The following WIPF1 variants were observed in gnomAD, a reference collection of about 807,000 sequenced individuals.
The protein encoded by WIPF1 is WAS/WASL-interacting protein family member 1.
A neutral mutation model predicts 35.4 loss-of-function variants in WIPF1; 13 were observed. That is an observed-to-expected ratio of 0.37 (90% CI 0.24 to 0.58). The LOEUF (loss-of-function observed/expected upper bound fraction) is 0.58, where lower values mean the gene tolerates loss of function less well. WIPF1 is among the 20% of genes least tolerant of loss of function. WIPF1 has a pLI of 0.74. For synonymous variants in WIPF1, 267 were observed against 266.3 expected (o/e 1.00, Z -0.02); for missense variants, 591 against 667.0 (o/e 0.89, Z 1.25).
intron 1 of WIPF1, among the ~76,000 whole-genome samples, chr2:174,678,339 G>C (rs1168556562): frequency 4.6e-5 from 7 of 152,130 alleles, no homozygotes; most frequent in Non-Finnish European, 1.0e-4. Flanking sequence ...GCTTATCAAG[G>C]CTAACAAACA....
At chr2:174,680,295 C>T (rs1216593980) in intron 1 of WIPF1, among the ~76,000 whole-genome samples, 1 of 152,196 alleles carries the variant, frequency 6.6e-6, no homozygotes, top group Non-Finnish European at 1.5e-5. Flanking sequence ...GGCTTGATTC[C>T]AACTGTGACC....
chr2:174,564,560 C>T (rs1684585570), intron 7 of WIPF1, among the ~76,000 whole-genome samples: 1 of 152,258 alleles, frequency 6.6e-6, no homozygotes, highest in East Asian at 1.9e-4. Flanking sequence ...CTAGTCCTTA[C>T]ATTGCCTACT....
intron 1 of WIPF1, among the ~76,000 whole-genome samples, chr2:174,640,384 GATATACCTA>G (rs1447690259): frequency 6.9e-6 from 1 of 145,194 alleles, no homozygotes; most frequent in African/African-American, 2.5e-5. Flanking sequence ...AGCATTAGGA[GATATACCTA>G]ATGCTAAATG....
intron 1 of WIPF1, among the ~76,000 whole-genome samples, chr2:174,676,035 T>A (rs1286951027): frequency 2.8e-4 from 42 of 148,778 alleles, no homozygotes; most frequent in Non-Finnish European, 4.3e-4. Flanking sequence ...GCAGCCTCCA[T>A]CTCCCAGGCA....
At chr2:174,659,940 T>C (rs1362486641) in intron 1 of WIPF1, among the ~76,000 whole-genome samples, 1 of 148,252 alleles carries the variant, frequency 6.7e-6, no homozygotes, top group Non-Finnish European at 1.5e-5. Context: ...TTTATGCTTG[T>C]CACTCCAGCG....
At position 174,585,540 on chromosome 2, in the gene WIPF1, G is replaced by T. The variant is rs1406596674; in HGVS notation, c.34C>A (p.Pro12Thr). Reference sequence around the variant, plus strand: ...ACACTCACCAGTGCAAACGTCGGGGGCGGCGGGGGTGCTGGAGGGGGAGGG... The same window carrying T: ...ACACTCACCAGTGCAAACGTCGGGGTCGGCGGGGGTGCTGGAGGGGGAGGG... Reference protein sequence around the residue: ...PVPPPPAPPPPPTFALANTEK... With the variant: ...PVPPPPAPPPTPTFALANTEK... The change falls in exon 2 of 8, where the codon CCC (proline) becomes ACC (threonine). Residue 12 changes from proline to threonine, a missense_variant. This residue lies in a region of WIPF1 where 471 missense variants were observed against 501.1 expected (regional missense o/e 0.94). Transcript: ENST00000679041. The T allele has an allele frequency of 6.2e-7, 1 of 1,612,304 alleles. No homozygotes were observed. The highest frequency in any genetic ancestry group is 8.5e-7 in the Non-Finnish European group (1 of 1,179,286).
chr2:174,667,326 A>G (rs1159540934), intron 1 of WIPF1, among the ~76,000 whole-genome samples: 2 of 152,144 alleles, frequency 1.3e-5, no homozygotes, highest in African/African-American at 4.8e-5. Flanking sequence ...AATTCTCCCA[A>G]AATGCTCTTC....
At position 174,594,651 on chromosome 2, in the gene WIPF1, C is replaced by T. The variant is rs1171513764; in HGVS notation, c.-39+2950G>A. ...ATCGCTATCACCACATTTAGTTCTA[C>T]CAGAGGATTAAGATGTGCCACTGTT... On this transcript the variant is annotated intron_variant, in intron 1 of 7. Coordinates refer to ENST00000679041, the MANE Select transcript of WIPF1 (RefSeq NM_001375834.1). Among the ~76,000 whole-genome samples the T allele has an allele frequency of 8.1e-5, 6 of 73,780 alleles. 1 individual carries two copies. Among genetic ancestry groups the T allele is most frequent in the Non-Finnish European group, 1.4e-4 (4 of 28,200 alleles). The allele number at this position is 73,780 out of a possible 152,430, so 48.4% of individuals were successfully genotyped here. A position where few individuals can be genotyped will look rare whatever the true frequency, so the allele number is the denominator to read the frequency against.
In WIPF1 at chr2:174,559,626, G is replaced by A. The variant is rs1212023577; in HGVS notation, c.*2921C>T. 6.6e-6 allele frequency: 1 copy of A among 152,066 alleles called. No homozygotes were observed. Among genetic ancestry groups the A allele is most frequent in the African/African-American group, 2.4e-5 (1 of 41,396 alleles). The allele number at this position is 152,066 out of a possible 1,614,324, so 9.4% of individuals were successfully genotyped here. On this transcript the variant is annotated 3_prime_UTR_variant, in exon 8 of 8. Transcript: ENST00000679041. ...TAACTTACAAAGATGCAGATGTCTA[G>A]GGTAGTCTCTACCCTACCACTTACA...
chr2:174,575,331 G>T lies in WIPF1; in HGVS notation c.231C>A (p.Gly77=). The T allele has an allele frequency of 6.2e-7, 1 of 1,613,264 alleles. No homozygotes were observed. The highest frequency in any genetic ancestry group is 1.1e-5 in the South Asian group (1 of 91,008). The change falls in exon 4 of 8, where the codon GGC becomes GGA. Residue 77 remains glycine, a synonymous_variant. Coordinates refer to ENST00000679041, the MANE Select transcript of WIPF1 (RefSeq NM_001375834.1). ...AGGGGGGFGG[G]GGFGGGGGGG... ...CACCACCTCCTCCGCCAAATCCGCC[G>T]CCTCCACCAAAGCCACCACCACCGC...
At chr2:174,671,142 G>A (rs574153062) in intron 1 of WIPF1, among the ~76,000 whole-genome samples, 16 of 152,200 alleles carry the variant, frequency 1.1e-4, no homozygotes, top group East Asian at 1.9e-4. Context: ...TGGAGGGACC[G>A]GCTGAAGCCA....
chr2:174,576,245 A>AAAAAAAAAAAAAAAAAAAAC (rs1685060252), intron 3 of WIPF1, among the ~76,000 whole-genome samples: 1 of 151,166 alleles, frequency 6.6e-6, no homozygotes, highest in African/African-American at 2.5e-5. Flanking sequence ...AAAAAAAAAA[A>AAAAAAAAAAAAAAAAAAAAC]AAAACACTAA....
rs1684510301 is a variant in WIPF1, at chr2:174,562,465, A to T, written c.*82T>A. On this transcript the variant is annotated 3_prime_UTR_variant, in exon 8 of 8. Transcript: ENST00000679041. The stretch of plus-strand genomic sequence containing the variant: ...CCTGCCCATACATGAGGCACAAGGG[A>T]AGAAGCAGGGAGGAGGGTATGCAGT... The T allele has an allele frequency of 1.9e-6, 3 of 1,604,636 alleles. No homozygotes were observed. The highest frequency in any genetic ancestry group is 2.6e-6 in the Non-Finnish European group (3 of 1,175,266).
At position 174,567,787 on chromosome 2, in the gene WIPF1, G is replaced by GCAAACCA. The variant is rs908677157; in HGVS notation, c.1342+67_1342+73dup. On this transcript the variant is annotated intron_variant, in intron 6 of 7. Transcript: ENST00000679041. ...GGAACAAGAAATTAAACGCAAACAAGCAAACCACATATACAAACAGATTTA... is the reference window on the plus strand; with the variant it reads ...GGAACAAGAAATTAAACGCAAACAAGCAAACCACAAACCACATATACAAACAGATTTA... 2.7e-5 allele frequency: 40 copies of GCAAACCA among 1,467,284 alleles called. No individual in the cohort carries two copies. In the African/African-American group the frequency reaches 5.5e-4, roughly 20 times the overall value. 90.9% of individuals were successfully genotyped at this position (1,467,284 alleles called of 1,614,324 possible).
At position 174,681,750 on chromosome 2, in the gene WIPF1, G is replaced by C. The variant is rs556357077; in HGVS notation, c.-39+1024C>G. 4.6e-4 allele frequency among the ~76,000 whole-genome samples: 70 copies of C among 152,206 alleles called. 1 individual carries two copies. Among genetic ancestry groups the C allele is most frequent in the African/African-American group, 1.6e-3 (67 of 41,524 alleles). On this transcript the variant is annotated intron_variant, in intron 1 of 8. Coordinates refer to the WIPF1 transcript ENST00000272746. ...ACGGACACACGCTTTTCAGTAAAAG[G>C]GACCAAGTCCACTTGGTCACTGAGC... is the stretch of plus-strand genomic sequence containing the variant.
At chr2:174,657,497 T>A (rs1432384734) in intron 1 of WIPF1, among the ~76,000 whole-genome samples, 2 of 152,062 alleles carry the variant, frequency 1.3e-5, no homozygotes, top group Non-Finnish European at 2.9e-5. Context: ...CAGAACTAAG[T>A]GACAGAAAAG....
intron 1 of WIPF1, among the ~76,000 whole-genome samples, chr2:174,681,079 T>C (rs1438086123): frequency 1.3e-5 from 2 of 152,254 alleles, no homozygotes; most frequent in African/African-American, 4.8e-5. Context: ...CAGAATTTGA[T>C]CTTACCTTGC....
intron 1 of WIPF1, among the ~76,000 whole-genome samples, chr2:174,651,655 G>T (rs1274160271): frequency 6.6e-6 from 1 of 152,084 alleles, no homozygotes; most frequent in Non-Finnish European, 1.5e-5. Flanking sequence ...CAAACACAAC[G>T]ATGTGTTATA....
intron 1 of WIPF1, among the ~76,000 whole-genome samples, chr2:174,621,082 G>A (rs911573876): frequency 3.9e-5 from 6 of 152,266 alleles, no homozygotes; most frequent in African/African-American, 1.2e-4. Context: ...TCAAAGTGGC[G>A]CATTACCAAG....
Sources: allele counts gnomAD v4.1 joint callset (sites outside exome capture counted in the v4.1 genomes callset), GRCh38; gene constraint gnomAD v4.1.1; regional missense constraint gnomAD v4.1.1; transcripts MANE v1.5; gene names NCBI Gene and HGNC (gene_info 2026-07-23, HGNC 2026-07-21).